DNAH7: variants seen among roughly 807,000 people sequenced by gnomAD.
The protein encoded by DNAH7 is dynein axonemal heavy chain 7, also known as axonemal beta dynein heavy chain 7.
A neutral mutation model predicts 444.6 loss-of-function variants in DNAH7; 397 were observed. The observed-to-expected ratio is 0.89, with a 90% CI of 0.82 to 0.97. DNAH7 has a LOEUF of 0.97. Among genes scored for constraint, DNAH7 ranks in the 50% least tolerant of loss-of-function variants. DNAH7 has a pLI of 0.00. For synonymous variants in DNAH7, 1,636 were observed against 1,624.4 expected, an observed-to-expected ratio of 1.01 and a Z score of -0.17; for missense variants, 4,902 against 4,800.8, an observed-to-expected ratio of 1.02 and a Z score of -0.62.
At chr2:195,836,952 A>G (rs1232808813) in intron 47 of DNAH7, among the ~76,000 whole-genome samples, 2 of 152,188 alleles carry the variant, frequency 1.3e-5, no homozygotes, top group Admixed American at 1.3e-4. Flanking sequence ...CATCAGCTCA[A>G]AAGCTATATA....
rs2125567645 is a variant in DNAH7, at chr2:195,970,052, T to C, written c.2101A>G (p.Lys701Glu). 1 of 1,612,912 alleles carries C rather than the reference T, an allele frequency of 6.2e-7. No homozygotes were observed. The change falls in exon 17 of 65, where the codon AAG becomes GAG. Residue 701 changes from lysine (K) to glutamate (E), a missense_variant. Transcript: ENST00000312428. ...RFVEELESYA[K>E]QSEEFYSFGD... The stretch of plus-strand genomic sequence containing the variant: ...AATGAATAAAATTCTTCTGATTGCT[T>C]AGCATAACTCTCCAATTCCTCCACA...
chr2:195,980,356 CTG>C lies in DNAH7; in HGVS notation c.1833+4274_1833+4275del, dbSNP rs560087761. On this transcript the variant is annotated intron_variant, in intron 15 of 64. Transcript: ENST00000312428. ...ATGTTTGCTTTCCCTTCTGCCATGACTGTAAGTTTTCTGAGGCTTCCCCAGCC... is the reference window on the plus strand; with the variant it reads ...ATGTTTGCTTTCCCTTCTGCCATGACTAAGTTTTCTGAGGCTTCCCCAGCC... Among the ~76,000 whole-genome samples the C allele has an allele frequency of 1.2e-4, 18 of 152,282 alleles. No individual in the cohort carries two copies. In the South Asian group the frequency reaches 3.7e-3, roughly 32 times the overall value.
intron 61 of DNAH7, among the ~76,000 whole-genome samples, chr2:195,764,516 G>A (rs11901474): frequency 0.71 from 107,551 of 151,992 alleles, 38,177 homozygotes; most frequent in Non-Finnish European, 0.74. Flanking sequence ...AAATACTGTT[G>A]GAATTGATAA....
At chr2:195,862,199 T>C (rs1700059207) in intron 41 of DNAH7, among the ~76,000 whole-genome samples, 1 of 152,196 alleles carries the variant, frequency 6.6e-6, no homozygotes, top group Non-Finnish European at 1.5e-5. Context: ...TTCATGAGTG[T>C]TGCAGGAGAA....
chr2:195,900,557 A>G, intron 27 of DNAH7, 63 bp from the exon 28 acceptor site: 1 of 1,460,430 alleles, frequency 6.8e-7, no homozygotes, highest in South Asian at 1.2e-5. Flanking sequence ...GCATGGAAAG[A>G]TAAATACCAC....
intron 8 of DNAH7, among the ~76,000 whole-genome samples, chr2:196,019,580 T>G (rs904601728): frequency 3.3e-5 from 5 of 152,182 alleles, no homozygotes; most frequent in Non-Finnish European, 7.4e-5. Context: ...ACAAATAATT[T>G]ACAATGAACA....
At chr2:195,775,052 T>C (rs1195839107) in intron 60 of DNAH7, among the ~76,000 whole-genome samples, 4 of 152,236 alleles carry the variant, frequency 2.6e-5, no homozygotes, top group African/African-American at 9.6e-5. Context: ...ATTAGTTAAA[T>C]ACAAAGTCTT....
At chr2:196,041,673 C>T (rs749008808) in intron 5 of DNAH7, among the ~76,000 whole-genome samples, 1 of 151,590 alleles carries the variant, frequency 6.6e-6, no homozygotes, top group African/African-American at 2.4e-5. Flanking sequence ...GGTAAGACCT[C>T]GAAAGCATAA....
At chr2:195,961,748 A>T (rs1489964359) in intron 17 of DNAH7, among the ~76,000 whole-genome samples, 6 of 152,208 alleles carry the variant, frequency 3.9e-5, no homozygotes, top group Non-Finnish European at 8.8e-5. Flanking sequence ...TTCTTTAGTT[A>T]ACAAGAACTT....
Position 195,960,918 on chromosome 2 carries a change from C to T in DNAH7, c.2233G>A (p.Ala745Thr), listed in dbSNP as rs1358135517. Reference protein sequence around the residue: ...KIEQFNAEEEAFGWLPSVYPQ... With the variant: ...KIEQFNAEEETFGWLPSVYPQ... Reference sequence around the variant, plus strand: ...TATACAGATGGTAGCCAACCAAATGCTTCCTCTTCAGCATTAAACTGCTCA... The same window carrying T: ...TATACAGATGGTAGCCAACCAAATGTTTCCTCTTCAGCATTAAACTGCTCA... Residue 745 changes from alanine to threonine, a missense_variant, in exon 18 of 65, where the codon GCA (alanine) becomes ACA (threonine). Transcript: ENST00000312428. 8 of 1,605,252 alleles carry T rather than the reference C, an allele frequency of 5.0e-6. No individual in the cohort carries two copies. The highest frequency in any genetic ancestry group is 1.1e-5 in the South Asian group (1 of 89,972).
chr2:195,753,497 T>C (rs1693909817), intron 63 of DNAH7, among the ~76,000 whole-genome samples: 1 of 152,226 alleles, frequency 6.6e-6, no homozygotes, highest in South Asian at 2.1e-4. Context: ...AGATCCTAAA[T>C]TGTTCCCTGT....
chr2:195,855,180 C>T lies in DNAH7; in HGVS notation c.8595+631G>A, dbSNP rs369850793. Among the ~76,000 whole-genome samples, 9 of 152,250 alleles carry T rather than the reference C, an allele frequency of 5.9e-5. No individual in the cohort carries two copies. In the Middle Eastern group the frequency reaches 0.01, roughly 173 times the overall value. ...TAATATGTAATGTTCTTAGAACAAC[C>T]GGCCTTTGTACATAATAAGCATTCA... is the stretch of plus-strand genomic sequence containing the variant. On this transcript the variant is annotated intron_variant, in intron 45 of 64. Transcript: ENST00000312428.
intron 64 of DNAH7, among the ~76,000 whole-genome samples, 155 bp downstream of exon 64, chr2:195,740,600 TGTGTGTGTGTG>T (rs1321995431): frequency 2.9e-5 from 1 of 34,280 alleles, no homozygotes; most frequent in African/African-American, 2.7e-4. Context: ...TGTGTGTGTG[TGTGTGTGTGTG>T]TGTGTATATA....
At chr2:195,776,619 TA>T (rs1223784294) in intron 59 of DNAH7, among the ~76,000 whole-genome samples, 1 of 151,874 alleles carries the variant, frequency 6.6e-6, no homozygotes, top group Admixed American at 6.6e-5. Flanking sequence ...CTTATCACAA[TA>T]AAAATATTTT....
intron 19 of DNAH7, among the ~76,000 whole-genome samples, chr2:195,939,103 T>C (rs907978023): frequency 6.6e-6 from 1 of 152,108 alleles, no homozygotes; most frequent in Non-Finnish European, 1.5e-5. Context: ...CTAAATTAGA[T>C]AATGTATTTG....
chr2:195,840,889 G>A (rs892455349), intron 47 of DNAH7, among the ~76,000 whole-genome samples: 9 of 151,884 alleles, frequency 5.9e-5, no homozygotes, highest in Admixed American at 3.3e-4. Flanking sequence ...GATTCAATTA[G>A]TACCAATACA....
At position 195,754,495 on chromosome 2, in the gene DNAH7, G is replaced by A. The variant is rs1396049031; in HGVS notation, c.11606C>T (p.Pro3869Leu). 2 of 1,614,014 alleles carry A rather than the reference G, an allele frequency of 1.2e-6. No individual in the cohort carries two copies. The highest frequency in any genetic ancestry group is 1.7e-6 in the Non-Finnish European group (2 of 1,179,924). ...KFLQQWYEVGPPPVFWLSGFF... is the reference protein window; with the variant it reads ...KFLQQWYEVGLPPVFWLSGFF... ...GCCAGAAAGCCAGAAGACTGGAGGA[G>A]GACCAACCTCATACCATTGCTAGGG... Residue 3869 changes from proline (P) to leucine (L), a missense_variant, in exon 63 of 65, where the codon CCT (proline) becomes CTT (leucine). Physicochemically the swap from Pro to Leu is moderately conservative, Grantham distance 98. Transcript: ENST00000312428.
At chr2:195,986,736 T>A (rs1338388552) in intron 14 of DNAH7, among the ~76,000 whole-genome samples, 2 of 152,124 alleles carry the variant, frequency 1.3e-5, no homozygotes. Flanking sequence ...ACTATGTAAA[T>A]CCACTTTGAA....
intron 29 of DNAH7, among the ~76,000 whole-genome samples, chr2:195,897,039 G>GT (rs1473988204): frequency 4.6e-5 from 7 of 152,090 alleles, no homozygotes; most frequent in Admixed American, 2.6e-4. Flanking sequence ...CCAAAACAGC[G>GT]TAAGTTAGTC....
Sources: gnomAD v4.1 joint callset for allele counts (sites outside exome capture counted in the v4.1 genomes callset) on GRCh38, gnomAD v4.1.1 for gene constraint, MANE v1.5 for transcripts, NCBI Gene and HGNC (gene_info 2026-07-23, HGNC 2026-07-21) for gene names.